MEIS2: variants seen among roughly 807,000 people sequenced by gnomAD.
The protein encoded by MEIS2 is Meis homeobox 2, also known as homeobox protein Meis2.
A neutral mutation model predicts 58.6 loss-of-function variants in MEIS2; 9 were observed. The observed-to-expected ratio is 0.15, with a 90% CI of 0.09 to 0.27. The LOEUF is 0.27. MEIS2 is among the 10% of genes least tolerant of loss of function. The pLI is 1.00. For missense variants in MEIS2, 427 were observed against 635.0 expected, an observed-to-expected ratio of 0.67 and a Z score of 3.52; for synonymous variants, 221 against 228.4, an observed-to-expected ratio of 0.97 and a Z score of 0.29.
intron 1 of MEIS2, 162 bp downstream of exon 1, chr15:37,099,293 A>C: frequency 6.7e-7 from 1 of 1,493,476 alleles, no homozygotes; most frequent in Non-Finnish European, 8.9e-7. Flanking sequence ...GAGGCACGGG[A>C]GGGAAAGAAG....
intron 8 of MEIS2, among the ~76,000 whole-genome samples, chr15:37,023,112 A>T (rs369161292): frequency 2.1e-3 from 322 of 152,222 alleles, no homozygotes; most frequent in African/African-American, 7.1e-3. Context: ...TTAATTTTCA[A>T]ATGTATGTAA....
chr15:36,980,040 T>A (rs780256512), intron 8 of MEIS2, among the ~76,000 whole-genome samples: 2 of 151,882 alleles, frequency 1.3e-5, no homozygotes, highest in Non-Finnish European at 2.9e-5. Context: ...TATGCCTTAC[T>A]AAGTTTTACA....
At chr15:37,083,669 C>T (rs1892527870) in intron 7 of MEIS2, 102 bp downstream of exon 7, 2 of 821,128 alleles carry the variant, frequency 2.4e-6, no homozygotes, top group Non-Finnish European at 1.9e-6. Context: ...CCCTAACCTG[C>T]CACTCTCCTG....
At chr15:36,930,985 G>A (rs534302754) in intron 9 of MEIS2, among the ~76,000 whole-genome samples, 1 of 152,310 alleles carries the variant, frequency 6.6e-6, no homozygotes, top group East Asian at 1.9e-4. Flanking sequence ...ATTGCAGTGA[G>A]TAAGTGGTTT....
chr15:37,055,117 T>C, intron 7 of MEIS2, among the ~76,000 whole-genome samples: 1 of 152,192 alleles, frequency 6.6e-6, no homozygotes, highest in East Asian at 1.9e-4. Context: ...ATTGACTGCA[T>C]CCTATGATGG....
chr15:37,018,059 A>C (rs988751000), intron 8 of MEIS2, among the ~76,000 whole-genome samples: 1 of 152,172 alleles, frequency 6.6e-6, no homozygotes, highest in African/African-American at 2.4e-5. Context: ...AGGAAGTATT[A>C]TCATTATCCC....
At chr15:37,085,909 C>T (rs1027318105) in intron 6 of MEIS2, among the ~76,000 whole-genome samples, 7 of 150,828 alleles carry the variant, frequency 4.6e-5, no homozygotes, top group Admixed American at 1.3e-4. Context: ...GTTTGCCGGG[C>T]GGTAATGAGA....
chr15:36,932,600 T>A (rs1358215576), intron 9 of MEIS2, among the ~76,000 whole-genome samples: 1 of 152,126 alleles, frequency 6.6e-6, no homozygotes, highest in Non-Finnish European at 1.5e-5. Flanking sequence ...TGTTTTTGGA[T>A]TTAATTGTTA....
In MEIS2 at chr15:37,100,418, G is replaced by C. The variant is rs1357052925; in HGVS notation, c.-952C>G. On this transcript the variant is annotated 5_prime_UTR_variant, in exon 1 of 12. Transcript: ENST00000561208. Reference sequence around the variant, plus strand: ...CAGTTTGGCGGCGCGGGTCGGCGGCGGGAGAACGAAATGACGGAACCCGGA... The same window carrying C: ...CAGTTTGGCGGCGCGGGTCGGCGGCCGGAGAACGAAATGACGGAACCCGGA... 1 of 153,056 alleles carries C rather than the reference G, an allele frequency of 6.5e-6. No individual in the cohort carries two copies. Among genetic ancestry groups the C allele is most frequent in the Non-Finnish European group, 1.5e-5 (1 of 68,492 alleles). 9.5% of individuals were successfully genotyped at this position (153,056 alleles called of 1,614,324 possible). A position where few individuals can be genotyped will look rare whatever the true frequency, so the allele number is the denominator to read the frequency against.
At position 37,032,618 on chromosome 15, in the gene MEIS2, A is replaced by T. The variant is rs563703612; in HGVS notation, c.900+4196T>A. Reference sequence around the variant, plus strand: ...TTTCCAAGAGATTCTTTCTTCAATCATCACTGGATTTCTTAGCTTGAGAAG... The same window carrying T: ...TTTCCAAGAGATTCTTTCTTCAATCTTCACTGGATTTCTTAGCTTGAGAAG... On this transcript the variant is annotated intron_variant, in intron 8 of 11. Transcript: ENST00000561208. Among the ~76,000 whole-genome samples the T allele has an allele frequency of 2.0e-5, 3 of 152,312 alleles. No individual in the cohort carries two copies. In the South Asian group the frequency reaches 6.2e-4, roughly 32 times the overall value.
intron 9 of MEIS2, among the ~76,000 whole-genome samples, chr15:36,949,528 T>A (rs534585997): frequency 6.6e-6 from 1 of 152,162 alleles, no homozygotes; most frequent in South Asian, 2.1e-4. Flanking sequence ...GAGTTCCATG[T>A]AATTAAGTTT....
chr15:36,995,300 T>A (rs2060436496), intron 8 of MEIS2, among the ~76,000 whole-genome samples: 1 of 152,218 alleles, frequency 6.6e-6, no homozygotes. Context: ...CATAGACACT[T>A]AACCAAGGAA....
intron 8 of MEIS2, among the ~76,000 whole-genome samples, chr15:37,014,812 C>T (rs1219289894): frequency 6.6e-6 from 1 of 150,956 alleles, no homozygotes; most frequent in Non-Finnish European, 1.5e-5. Flanking sequence ...CAACGGATCA[C>T]TCCCTTCAGG....
intron 8 of MEIS2, among the ~76,000 whole-genome samples, chr15:36,958,729 T>C (rs1219568321): frequency 1.3e-5 from 2 of 152,174 alleles, no homozygotes; most frequent in African/African-American, 4.8e-5. Flanking sequence ...TAACATTTGT[T>C]AGGATGCTCC....
chr15:36,901,533 T>C (rs896294512), intron 9 of MEIS2, among the ~76,000 whole-genome samples: 1 of 152,122 alleles, frequency 6.6e-6, no homozygotes, highest in Non-Finnish European at 1.5e-5. Context: ...GTGAGCAAAG[T>C]AAGGTAAATG....
intron 8 of MEIS2, among the ~76,000 whole-genome samples, chr15:36,978,185 G>A (rs2059819489): frequency 6.6e-6 from 1 of 152,090 alleles, no homozygotes; most frequent in Non-Finnish European, 1.5e-5. Context: ...TGGTCTTCAG[G>A]CCAATTAATT....
intron 8 of MEIS2, among the ~76,000 whole-genome samples, chr15:36,973,393 T>G (rs2059632525): frequency 6.6e-6 from 1 of 152,190 alleles, no homozygotes; most frequent in Non-Finnish European, 1.5e-5. Flanking sequence ...AGGAAACAGT[T>G]AAAAGCTGTT....
intron 6 of MEIS2, among the ~76,000 whole-genome samples, chr15:37,090,360 C>G (rs985942606): frequency 2.6e-5 from 4 of 151,846 alleles, no homozygotes; most frequent in African/African-American, 9.7e-5. Context: ...ACTCAGTAAC[C>G]TCACTGAATG....
rs1291189987 is a variant in MEIS2 at position 37,096,316 on chromosome 15, G to A, written c.360C>T (p.Asn120=). ...GGDVCSSDSF[N]EDIAVFAKQV... ...GCTTGGCGAAGACCGCGATGTCCTC[G>A]TTGAAGGAGTCGGAGGAGCAGACGT... Residue 120 remains asparagine, a synonymous_variant, in exon 3 of 12, where the codon AAC becomes AAT. Transcript: ENST00000561208. 2 of 1,613,114 alleles carry A rather than the reference G, an allele frequency of 1.2e-6. No homozygotes were observed. Among genetic ancestry groups the A allele is most frequent in the Non-Finnish European group, 1.7e-6 (2 of 1,179,548 alleles).
Sources: allele counts gnomAD v4.1 joint callset (sites outside exome capture counted in the v4.1 genomes callset), GRCh38; gene constraint gnomAD v4.1.1; transcripts MANE v1.5; gene names NCBI Gene and HGNC (gene_info 2026-07-23, HGNC 2026-07-21).